Variants in SYT9 observed in about 807,000 individuals in gnomAD.
SYT9 encodes synaptotagmin 9.
SYT9 carries 22 observed loss-of-function variants against 48.4 expected under a neutral mutation model. The ratio of observed to expected loss-of-function variants is 0.45; its 90% CI spans 0.32 to 0.65. The LOEUF (loss-of-function observed/expected upper bound fraction) is 0.65. Ranked by LOEUF, SYT9 falls within the 30% of genes least tolerant of loss-of-function variation. The pLI is 0.03. For missense variants in SYT9, 577 were observed against 622.0 expected (o/e 0.93, Z 0.77); for synonymous variants, 265 against 245.0 (o/e 1.08, Z -0.76).
chr11:7,352,799 A>G (rs1264636831), intron 3 of SYT9, among the ~76,000 whole-genome samples: 1 of 152,222 alleles, frequency 6.6e-6, no homozygotes, highest in Non-Finnish European at 1.5e-5. Flanking sequence ...AAGACGAGAA[A>G]GGCATCAAAG....
chr11:7,274,825 C>A (rs1848357705), intron 1 of SYT9, among the ~76,000 whole-genome samples: 1 of 152,090 alleles, frequency 6.6e-6, no homozygotes, highest in African/African-American at 2.4e-5. Context: ...ATGCAGCAGC[C>A]ACACATAAGG....
At chr11:7,436,795 G>A (rs773434876) in intron 6 of SYT9, among the ~76,000 whole-genome samples, 3 of 152,214 alleles carry the variant, frequency 2.0e-5, no homozygotes, top group Non-Finnish European at 2.9e-5. Context: ...CAACTTCCTG[G>A]TGGACGACCT....
intron 3 of SYT9, among the ~76,000 whole-genome samples, chr11:7,412,931 G>C (rs546875909): frequency 2.6e-5 from 4 of 152,304 alleles, no homozygotes; most frequent in East Asian, 3.9e-4. Flanking sequence ...ACTAGGCTGG[G>C]TGATTTCCAA....
intron 3 of SYT9, among the ~76,000 whole-genome samples, chr11:7,415,660 GAT>G (rs1205312924): frequency 2.0e-5 from 3 of 152,096 alleles, no homozygotes; most frequent in Non-Finnish European, 4.4e-5. Context: ...TTGTAGTAGT[GAT>G]ATGAGTGGAG....
At chr11:7,258,925 G>A (rs182441008) in intron 1 of SYT9, among the ~76,000 whole-genome samples, 1 of 152,014 alleles carries the variant, frequency 6.6e-6, no homozygotes, top group African/African-American at 2.4e-5. Context: ...TCCTGGACAA[G>A]TTATTTAACC....
At chr11:7,376,607 G>T (rs1850459793) in intron 3 of SYT9, among the ~76,000 whole-genome samples, 1 of 152,006 alleles carries the variant, frequency 6.6e-6, no homozygotes, top group Non-Finnish European at 1.5e-5. Flanking sequence ...AATGACCTTG[G>T]GCTGTTACCA....
At position 7,269,887 on chromosome 11, in the gene SYT9, T is replaced by A. The variant is rs562058760; in HGVS notation, c.145+17556T>A. On this transcript the variant is annotated intron_variant, in intron 1 of 6. Transcript: ENST00000318881. Reference sequence around the variant, plus strand: ...CAGTGTCTGTGATCTTTGTAGTAGGTGAAGCCTTCCTTAGCGTGACCCTAA... The same window carrying A: ...CAGTGTCTGTGATCTTTGTAGTAGGAGAAGCCTTCCTTAGCGTGACCCTAA... Among the ~76,000 whole-genome samples the A allele has an allele frequency of 7.9e-5, 12 of 152,260 alleles. No homozygotes were observed. The South Asian group carries it at 2.3e-3, about 29-fold the overall frequency.
intron 3 of SYT9, among the ~76,000 whole-genome samples, chr11:7,399,029 T>A (rs72846042): frequency 6.6e-6 from 1 of 152,172 alleles, no homozygotes; most frequent in African/African-American, 2.4e-5. Flanking sequence ...GGTTTTTTGC[T>A]TATTCTCTGC....
intron 3 of SYT9, among the ~76,000 whole-genome samples, chr11:7,392,777 C>T (rs1213238485): frequency 6.6e-6 from 1 of 152,024 alleles, no homozygotes; most frequent in Non-Finnish European, 1.5e-5. Context: ...TGATTTCTTT[C>T]AGTAGTTTTT....
chr11:7,341,567 G>C (rs1304381342), intron 3 of SYT9, among the ~76,000 whole-genome samples: 1 of 152,096 alleles, frequency 6.6e-6, no homozygotes, highest in Admixed American at 6.5e-5. Context: ...GGCCTCCTCA[G>C]CCATATGGAA....
chr11:7,273,768 A>G (rs1309737908), intron 1 of SYT9, among the ~76,000 whole-genome samples: 2 of 152,194 alleles, frequency 1.3e-5, no homozygotes, highest in Admixed American at 6.5e-5. Context: ...TTATTTTAAA[A>G]TCTTTGGAGT....
At chr11:7,339,334 G>T (rs1371304700) in intron 3 of SYT9, among the ~76,000 whole-genome samples, 2 of 152,064 alleles carry the variant, frequency 1.3e-5, no homozygotes, top group Non-Finnish European at 2.9e-5. Flanking sequence ...TTTAAATGGG[G>T]CACGTAATCC....
At chr11:7,444,202 G>A (rs1847888334) in intron 6 of SYT9, 1 of 152,310 alleles carries the variant, frequency 6.6e-6, no homozygotes, top group African/African-American at 2.4e-5. Context: ...AGGAAGAAGG[G>A]TTTCCAGCTG....
intron 3 of SYT9, among the ~76,000 whole-genome samples, chr11:7,316,059 G>C (rs1204334760): frequency 8.6e-6 from 1 of 116,654 alleles, no homozygotes; most frequent in African/African-American, 3.0e-5. Flanking sequence ...TGTTATTTGG[G>C]GTTGTGGGGT....
Position 7,238,860 on chromosome 11 carries a change from GA to G in SYT9, c.-7del, listed in dbSNP as rs1589880197. Reference sequence around the variant, plus strand: ...ATGATATGAAGAAGCCAGTAATGCAGAGAACAAATGCTGGCGAAGGTGGTGG... The same window carrying G: ...ATGATATGAAGAAGCCAGTAATGCAGGAACAAATGCTGGCGAAGGTGGTGG... On this transcript the variant is annotated 5_prime_UTR_variant and NMD_transcript_variant, in exon 1 of 9. Transcript: ENST00000524820. 4 of 456,032 alleles carry G rather than the reference GA, an allele frequency of 8.8e-6. No individual in the cohort carries two copies. The East Asian group carries it at 2.1e-4, about 24-fold the overall frequency. 28.2% of individuals were successfully genotyped at this position (456,032 alleles called of 1,614,324 possible).
intron 6 of SYT9, among the ~76,000 whole-genome samples, chr11:7,443,314 A>G (rs932055807): frequency 6.6e-6 from 1 of 152,256 alleles, no homozygotes; most frequent in African/African-American, 2.4e-5. Flanking sequence ...GGAAATAGAC[A>G]TAAGAAAATA....
At chr11:7,326,943 C>T (rs1669983207) in intron 3 of SYT9, among the ~76,000 whole-genome samples, 1 of 9,358 alleles carries the variant, frequency 1.1e-4, no homozygotes, top group Non-Finnish European at 2.4e-4. Context: ...AAGATTTAAA[C>T]GTTAGACCTA....
intron 3 of SYT9, among the ~76,000 whole-genome samples, chr11:7,391,961 AG>A (rs971120550): frequency 2.0e-5 from 3 of 151,368 alleles, no homozygotes; most frequent in Non-Finnish European, 2.9e-5. Context: ...CTTTCTAATG[AG>A]GTTTTTTTTT....
intron 3 of SYT9, among the ~76,000 whole-genome samples, chr11:7,332,648 T>A (rs980080645): frequency 6.6e-6 from 1 of 152,226 alleles, no homozygotes; most frequent in Non-Finnish European, 1.5e-5. Flanking sequence ...CTTGGCGTTG[T>A]GGCTACCAAA....
Sources: allele counts gnomAD v4.1 joint callset (sites outside exome capture counted in the v4.1 genomes callset), GRCh38; gene constraint gnomAD v4.1.1; transcripts MANE v1.5; gene names NCBI Gene and HGNC (gene_info 2026-07-23, HGNC 2026-07-21).